Variants in OPCML observed in about 807,000 individuals in gnomAD.
OPCML encodes the protein opioid binding protein/cell adhesion molecule like.
A neutral mutation model predicts 37.8 loss-of-function variants in OPCML; 13 were observed. That is an observed-to-expected ratio of 0.34 (90% CI 0.22 to 0.55). OPCML has a LOEUF of 0.55. OPCML is among the 20% of genes least tolerant of loss of function. The pLI is 0.91. For synonymous variants in OPCML, 176 were observed against 168.8 expected, an observed-to-expected ratio of 1.04 and a Z score of -0.33; for missense variants, 341 against 435.6, an observed-to-expected ratio of 0.78 and a Z score of 1.93.
intron 1 of OPCML, chr11:133,007,262 C>G: frequency 4.1e-6 from 4 of 985,284 alleles, no homozygotes; most frequent in Non-Finnish European, 4.8e-6. Flanking sequence ...TGGTTATATT[C>G]AAAATAACTG....
At chr11:133,027,531 G>A (rs191151011) in intron 1 of OPCML, among the ~76,000 whole-genome samples, 1 of 151,146 alleles carries the variant, frequency 6.6e-6, no homozygotes, top group East Asian at 2.0e-4. Flanking sequence ...TGATGTGTGT[G>A]TGCTGAATGT....
intron 3 of OPCML, among the ~76,000 whole-genome samples, chr11:132,566,301 G>T (rs2096423005): frequency 6.6e-6 from 1 of 152,176 alleles, no homozygotes; most frequent in Admixed American, 6.5e-5. Context: ...AGCATCTAAT[G>T]CAGGGCTTGA....
chr11:133,503,517 T>C (rs978947473), intron 1 of OPCML, among the ~76,000 whole-genome samples: 3 of 152,210 alleles, frequency 2.0e-5, no homozygotes, highest in African/African-American at 7.2e-5. Context: ...ACAGAGTGTG[T>C]GCAACTGGCA....
At chr11:133,140,787 CGAAGAAGAAG>C (rs1949776176) in intron 1 of OPCML, among the ~76,000 whole-genome samples, 2 of 118,860 alleles carry the variant, frequency 1.7e-5, no homozygotes, top group African/African-American at 7.6e-5. Flanking sequence ...AAGAAGACGA[CGAAGAAGAAG>C]AAGAAGAAGA....
intron 1 of OPCML, among the ~76,000 whole-genome samples, chr11:133,399,852 A>G (rs1945362470): frequency 7.0e-6 from 1 of 142,846 alleles, no homozygotes; most frequent in African/African-American, 2.6e-5. Flanking sequence ...TTAAGGAAGC[A>G]TATATATATA....
At chr11:133,239,137 A>G (rs1199284482) in intron 1 of OPCML, among the ~76,000 whole-genome samples, 1 of 152,184 alleles carries the variant, frequency 6.6e-6, no homozygotes, top group Non-Finnish European at 1.5e-5. Flanking sequence ...AGGGACCCTG[A>G]CAAAGTGCAC....
At chr11:132,589,738 C>A (rs2096481216) in intron 3 of OPCML, among the ~76,000 whole-genome samples, 1 of 152,020 alleles carries the variant, frequency 6.6e-6, no homozygotes, top group Non-Finnish European at 1.5e-5. Context: ...GGAGAATGGG[C>A]AGAGTGACTG....
At position 133,421,251 on chromosome 11, in the gene OPCML, G is replaced by C. The variant is rs972818667; in HGVS notation, c.61+111013C>G. On this transcript the variant is annotated intron_variant, in intron 1 of 7. Coordinates refer to ENST00000524381, the MANE Select transcript of OPCML (RefSeq NM_001012393.5). The stretch of plus-strand genomic sequence containing the variant: ...ATCAAAGCCCAGCTGCACAAAGTCA[G>C]CCCACATTGCCAAACGTGAGTGGAA... The C allele has an allele frequency of 6.1e-6, 6 of 985,288 alleles. No homozygotes were observed. The African/African-American group carries it at 1.0e-4, about 17-fold the overall frequency. 61.0% of individuals were successfully genotyped at this position (985,288 alleles called of 1,614,324 possible).
At chr11:133,366,944 C>A (rs137992749) in intron 1 of OPCML, among the ~76,000 whole-genome samples, 62 of 152,246 alleles carry the variant, frequency 4.1e-4, no homozygotes, top group African/African-American at 1.4e-3. Flanking sequence ...CCTTCACTCA[C>A]CCCTCATGTC....
At chr11:132,937,635 T>C (rs891410461) in intron 2 of OPCML, among the ~76,000 whole-genome samples, 3 of 129,960 alleles carry the variant, frequency 2.3e-5, no homozygotes, top group African/African-American at 5.7e-5. Flanking sequence ...TGTGTGTGTG[T>C]GCTGGGGAGG....
At chr11:133,013,506 C>T (rs78736603) in intron 1 of OPCML, among the ~76,000 whole-genome samples, 3,262 of 152,292 alleles carry the variant, frequency 0.021, 44 homozygotes, top group Middle Eastern at 0.068. Flanking sequence ...AATTACTCAT[C>T]ATAAGCATAA....
intron 1 of OPCML, chr11:133,298,721 A>G (rs1942700144): frequency 6.6e-6 from 1 of 152,204 alleles, no homozygotes; most frequent in African/African-American, 2.4e-5. Flanking sequence ...GCAACAACGT[A>G]CTAGACACTT....
At chr11:133,231,140 C>T (rs1259073662) in intron 1 of OPCML, among the ~76,000 whole-genome samples, 1 of 152,146 alleles carries the variant, frequency 6.6e-6, no homozygotes, top group East Asian at 1.9e-4. Flanking sequence ...TTCTAACATA[C>T]GATATGATTT....
At chr11:132,476,343 T>A (rs1325640109) in intron 4 of OPCML, among the ~76,000 whole-genome samples, 3 of 152,046 alleles carry the variant, frequency 2.0e-5, no homozygotes, top group East Asian at 3.9e-4. Context: ...TTACTGGGTA[T>A]ATACCCAAAG....
intron 2 of OPCML, among the ~76,000 whole-genome samples, chr11:132,786,216 C>T (rs2853046): frequency 0.19 from 29,411 of 152,116 alleles, 3,505 homozygotes; most frequent in South Asian, 0.27. Flanking sequence ...TGAAAATTGT[C>T]ATTAATGAAA....
intron 2 of OPCML, among the ~76,000 whole-genome samples, chr11:132,736,120 G>A (rs539456436): frequency 5.3e-4 from 81 of 152,140 alleles, no homozygotes; most frequent in African/African-American, 1.9e-3. Flanking sequence ...TTTTTGAATG[G>A]TACAATTGAC....
chr11:132,989,140 A>G lies in OPCML; in HGVS notation c.62-46130T>C, dbSNP rs1425890308. On this transcript the variant is annotated intron_variant, in intron 1 of 7. Coordinates refer to ENST00000524381, the MANE Select transcript of OPCML (RefSeq NM_001012393.5). ...GTTTGGCAACACCTTCCATATTTAA[A>G]CATTCCCAAACTCTGTGACCCAGCG... is the stretch of plus-strand genomic sequence containing the variant. 4.6e-5 allele frequency among the ~76,000 whole-genome samples: 7 copies of G among 152,244 alleles called. No homozygotes were observed. The South Asian group carries it at 1.5e-3, about 32-fold the overall frequency.
intron 4 of OPCML, among the ~76,000 whole-genome samples, chr11:132,451,056 G>A (rs2096067309): frequency 2.6e-5 from 4 of 152,144 alleles, no homozygotes; most frequent in African/African-American, 9.7e-5. Context: ...AGAATCTCAT[G>A]AGAAGAGACA....
intron 1 of OPCML, among the ~76,000 whole-genome samples, chr11:133,320,933 C>A (rs1171243075): frequency 6.6e-6 from 1 of 152,168 alleles, no homozygotes; most frequent in Non-Finnish European, 1.5e-5. Context: ...GTGGTCTTAT[C>A]AGCCGTGGAG....
Sources: gnomAD v4.1 joint callset for allele counts (sites outside exome capture counted in the v4.1 genomes callset) on GRCh38, gnomAD v4.1.1 for gene constraint, MANE v1.5 for transcripts, NCBI Gene and HGNC (gene_info 2026-07-23, HGNC 2026-07-21) for gene names.